Variants in FHOD3 observed in about 807,000 individuals in gnomAD.
FHOD3 encodes the protein FH1/FH2 domain-containing protein 3.
FHOD3 carries 90 observed loss-of-function variants against 173.0 expected under a neutral mutation model. That is an observed-to-expected ratio of 0.52 (90% CI 0.44 to 0.62). FHOD3 has a LOEUF of 0.62. Ranked by LOEUF, FHOD3 falls within the 20% of genes least tolerant of loss-of-function variation. The pLI, the probability that FHOD3 is intolerant of heterozygous loss-of-function variation, is 0.00. For synonymous variants in FHOD3, 828 were observed against 823.0 expected (o/e 1.01, Z -0.10); for missense variants, 1,945 against 2,034.7 (o/e 0.96, Z 0.85).
chr18:36,410,935 A>C (rs1053483242), intron 3 of FHOD3, among the ~76,000 whole-genome samples: 7 of 152,120 alleles, frequency 4.6e-5, no homozygotes, highest in Non-Finnish European at 7.4e-5. Context: ...ACGCTTTGCA[A>C]ATATTTTCTC....
chr18:36,545,206 A>G (rs1321058708), intron 5 of FHOD3, among the ~76,000 whole-genome samples: 1 of 152,202 alleles, frequency 6.6e-6, no homozygotes, highest in Non-Finnish European at 1.5e-5. Context: ...GACTGGGCAT[A>G]CAGTGGTGAA....
intron 9 of FHOD3, 124 bp from the exon 10 acceptor site, chr18:36,625,387 G>A: frequency 1.2e-6 from 1 of 806,580 alleles, no homozygotes; most frequent in Non-Finnish European, 1.8e-6. Flanking sequence ...GGAAGCTGAG[G>A]CGTGCAGTTT....
At chr18:36,319,686 T>C (rs576225509) in intron 1 of FHOD3, among the ~76,000 whole-genome samples, 9 of 152,294 alleles carry the variant, frequency 5.9e-5, no homozygotes, top group Admixed American at 5.2e-4. Context: ...GAATATACAT[T>C]CTTTTCAGCA....
At chr18:36,733,720 G>T (rs756894252) in intron 20 of FHOD3, among the ~76,000 whole-genome samples, 3 of 152,180 alleles carry the variant, frequency 2.0e-5, no homozygotes, top group Non-Finnish European at 4.4e-5. Context: ...ACGGATATGG[G>T]AGTAGCAGCA....
At chr18:36,664,740 A>C (rs921854057) in intron 14 of FHOD3, among the ~76,000 whole-genome samples, 2 of 151,378 alleles carry the variant, frequency 1.3e-5, no homozygotes, top group Non-Finnish European at 2.9e-5. Context: ...CCATTATTGT[A>C]CAAAGATCAC....
At chr18:36,471,165 C>G (rs1350830508) in intron 3 of FHOD3, among the ~76,000 whole-genome samples, 1 of 152,192 alleles carries the variant, frequency 6.6e-6, no homozygotes, top group Non-Finnish European at 1.5e-5. Flanking sequence ...GGATGCTCCT[C>G]CTGGTACTCT....
At chr18:36,690,629 A>G (rs983085405) in intron 16 of FHOD3, among the ~76,000 whole-genome samples, 5 of 152,216 alleles carry the variant, frequency 3.3e-5, no homozygotes, top group African/African-American at 9.6e-5. Context: ...TCCGCGTACC[A>G]GCCCACCGCC....
At chr18:36,544,147 G>A (rs1002980938) in intron 5 of FHOD3, among the ~76,000 whole-genome samples, 5 of 152,188 alleles carry the variant, frequency 3.3e-5, no homozygotes, top group Admixed American at 3.3e-4. Flanking sequence ...TATCATCATT[G>A]AATATTAGAG....
intron 5 of FHOD3, among the ~76,000 whole-genome samples, chr18:36,513,912 GCT>G (rs1282378112): frequency 1.3e-5 from 2 of 151,900 alleles, no homozygotes; most frequent in Non-Finnish European, 2.9e-5. Flanking sequence ...TGCGGAGTTG[GCT>G]CTTTTTGTCT....
At chr18:36,565,465 C>T (rs958270408) in intron 5 of FHOD3, among the ~76,000 whole-genome samples, 3 of 152,148 alleles carry the variant, frequency 2.0e-5, no homozygotes, top group African/African-American at 7.2e-5. Context: ...TAGTGATGGG[C>T]TCATGGAAGA....
At chr18:36,474,406 G>C (rs914415620) in intron 3 of FHOD3, among the ~76,000 whole-genome samples, 1 of 152,158 alleles carries the variant, frequency 6.6e-6, no homozygotes, top group Admixed American at 6.5e-5. Context: ...TATAGATTTT[G>C]GCAAATACTT....
chr18:36,507,619 T>C (rs935637594), intron 4 of FHOD3, among the ~76,000 whole-genome samples: 9 of 152,176 alleles, frequency 5.9e-5, no homozygotes, highest in Non-Finnish European at 1.0e-4. Context: ...ATGGACTGGG[T>C]AACTTGAATT....
At chr18:36,561,648 T>A (rs2058085791) in intron 5 of FHOD3, among the ~76,000 whole-genome samples, 1 of 152,220 alleles carries the variant, frequency 6.6e-6, no homozygotes, top group African/African-American at 2.4e-5. Flanking sequence ...CCATCATCAC[T>A]ATTTATTTCT....
intron 2 of FHOD3, among the ~76,000 whole-genome samples, 163 bp downstream of exon 2, chr18:36,355,808 G>A (rs190770591): frequency 3.3e-5 from 5 of 152,328 alleles, no homozygotes; most frequent in Non-Finnish European, 7.4e-5. Flanking sequence ...GGTGACTGCA[G>A]ACCCGTTTCC....
At chr18:36,640,858 C>G (rs1038748653) in intron 10 of FHOD3, among the ~76,000 whole-genome samples, 1 of 152,092 alleles carries the variant, frequency 6.6e-6, no homozygotes, top group Non-Finnish European at 1.5e-5. Context: ...TTCGAAGGAA[C>G]CGTGCAGTGA....
At chr18:36,470,171 T>C (rs2053196329) in intron 3 of FHOD3, among the ~76,000 whole-genome samples, 1 of 152,176 alleles carries the variant, frequency 6.6e-6, no homozygotes, top group Non-Finnish European at 1.5e-5. Context: ...TAGCATACCC[T>C]TGTGAAGTCT....
intron 5 of FHOD3, among the ~76,000 whole-genome samples, chr18:36,575,066 G>A (rs1249290271): frequency 6.6e-6 from 1 of 151,960 alleles, no homozygotes; most frequent in Non-Finnish European, 1.5e-5. Context: ...CGCCTCCTGG[G>A]TTCAAGCAAT....
At chr18:36,480,123 C>T (rs553234508) in intron 3 of FHOD3, among the ~76,000 whole-genome samples, 16 of 152,308 alleles carry the variant, frequency 1.1e-4, no homozygotes, top group Non-Finnish European at 2.1e-4. Flanking sequence ...TGCAGTGGCA[C>T]CTTGATAGCC....
chr18:36,311,201 T>A (rs567419381), intron 1 of FHOD3, among the ~76,000 whole-genome samples: 2 of 148,358 alleles, frequency 1.3e-5, no homozygotes, highest in East Asian at 4.2e-4. Context: ...AGCCTCAGGA[T>A]GTGTCTGGGC....
Sources: allele counts gnomAD v4.1 joint callset (sites outside exome capture counted in the v4.1 genomes callset), GRCh38; gene constraint gnomAD v4.1.1; transcripts MANE v1.5; gene names NCBI Gene and HGNC (gene_info 2026-07-23, HGNC 2026-07-21).